Variants in NOX3 observed in about 807,000 individuals in gnomAD.
NOX3 encodes NADPH oxidase 3.
In NOX3, 74 loss-of-function variants were observed where a neutral mutation model predicts 76.7. The ratio of observed to expected loss-of-function variants is 0.96; its 90% confidence interval spans 0.80 to 1.17. The LOEUF (loss-of-function observed/expected upper bound fraction) is 1.17, where lower values mean the gene tolerates loss of function less well. Among genes scored for constraint, NOX3 ranks in the 50% most tolerant of loss-of-function variants. The probability of loss-of-function intolerance (pLI) is 0.00; values close to 1 mark genes in which losing one functional copy is unlikely to be tolerated. For synonymous variants in NOX3, 263 were observed against 261.1 expected, an observed-to-expected ratio of 1.01 and a Z score of -0.07; for missense variants, 695 against 703.3, an observed-to-expected ratio of 0.99 and a Z score of 0.13.
chr6:155,439,890 C>A (rs1233084049), intron 6 of NOX3, 66 bp downstream of exon 6: 1 of 1,468,244 alleles, frequency 6.8e-7, no homozygotes, highest in Admixed American at 2.2e-5. Flanking sequence ...ATCTAAAGGA[C>A]TTTCTAAGAT....
At chr6:155,455,254 A>G (rs561816370) in intron 1 of NOX3, 125 bp from the exon 2 acceptor site, 1 of 616,360 alleles carries the variant, frequency 1.6e-6, no homozygotes, top group Admixed American at 3.3e-5. Flanking sequence ...GAATTACTCC[A>G]CATATTTATT....
At chr6:155,454,208 T>C (rs1777181257) in intron 3 of NOX3, among the ~76,000 whole-genome samples, 1 of 152,148 alleles carries the variant, frequency 6.6e-6, no homozygotes, top group Non-Finnish European at 1.5e-5. Flanking sequence ...AAAACCATAG[T>C]ATCTGAGAAG....
intron 9 of NOX3, among the ~76,000 whole-genome samples, chr6:155,425,852 C>T (rs2114691972): frequency 6.6e-6 from 1 of 152,310 alleles, no homozygotes; most frequent in South Asian, 2.1e-4. Context: ...CTCTGTTTTC[C>T]TTCAGAAGGT....
chr6:155,437,011 C>T (rs976855065), intron 6 of NOX3, among the ~76,000 whole-genome samples: 6 of 152,212 alleles, frequency 3.9e-5, no homozygotes, highest in East Asian at 3.9e-4. Flanking sequence ...GTCAAAATAC[C>T]GGAAGAATGG....
rs67713833 is a variant in NOX3 at position 155,404,129 on chromosome 6, T to TATATA, written c.1580+3000_1580+3001insTATAT. Among the ~76,000 whole-genome samples, 870 of 91,298 alleles carry TATATA rather than the reference T, an allele frequency of 9.5e-3. 7 individuals are homozygous for TATATA. Among genetic ancestry groups the TATATA allele is most frequent in the African/African-American group, 0.042 (815 of 19,552 alleles). 59.9% of individuals were successfully genotyped at this position (91,298 alleles called of 152,430 possible). On this transcript the variant is annotated intron_variant, in intron 12 of 13. Coordinates refer to ENST00000159060, the MANE Select transcript of NOX3 (RefSeq NM_015718.3). ...TCAGTGAATATATATATATATATAT[T>TATATA]TTTTTTTTCCCAAAAGGAGAAAATA... is the stretch of plus-strand genomic sequence containing the variant.
intron 10 of NOX3, among the ~76,000 whole-genome samples, chr6:155,414,918 G>A (rs1308210359): frequency 2.0e-5 from 3 of 152,064 alleles, no homozygotes; most frequent in South Asian, 2.1e-4. Flanking sequence ...ATGAGCCATC[G>A]TGCCCAGCCA....
At position 155,443,423 on chromosome 6, in the gene NOX3, G is replaced by C; in HGVS notation, c.341-5C>G. ...AATGCGCCACGATGTGGATGGCTAG[G>C]ACAAGGAGATGACACCAAACATGCA... On this transcript the variant is annotated splice_polypyrimidine_tract_variant and splice_region_variant and intron_variant, in intron 4 of 13. Coordinates refer to ENST00000159060, the MANE Select transcript of NOX3 (RefSeq NM_015718.3). The C allele has an allele frequency of 6.2e-7, 1 of 1,613,528 alleles. No homozygotes were observed. Among genetic ancestry groups the C allele is most frequent in the Middle Eastern group, 1.7e-4 (1 of 6,020 alleles).
chr6:155,449,540 C>T (rs1041766035), intron 4 of NOX3, among the ~76,000 whole-genome samples: 2 of 152,146 alleles, frequency 1.3e-5, no homozygotes, highest in African/African-American at 2.4e-5. Context: ...TTATCATAGG[C>T]AGACAAGCAG....
rs1300797741 is a variant in NOX3 at position 155,426,616 on chromosome 6, A to C, written c.1145+2178T>G. On this transcript the variant is annotated intron_variant, in intron 9 of 13. Coordinates refer to ENST00000159060, the MANE Select transcript of NOX3 (RefSeq NM_015718.3). ...CAGCATTCCAGGTGGAGGGAACAGC[A>C]ATGGCAAAGGCACTGAGGACTACAT... 3.9e-5 allele frequency among the ~76,000 whole-genome samples: 6 copies of C among 152,198 alleles called. 1 individual carries two copies. In the South Asian group the frequency reaches 1.2e-3, roughly 32 times the overall value.
chr6:155,398,531 G>C (rs1359832118), intron 12 of NOX3, among the ~76,000 whole-genome samples: 4 of 152,170 alleles, frequency 2.6e-5, no homozygotes, highest in Non-Finnish European at 4.4e-5. Context: ...TCAAACTCCA[G>C]CTTCAAAGGA....
In NOX3 at chr6:155,409,808, G is replaced by A. The variant is rs116311328; in HGVS notation, c.1455+1406C>T. 9.7e-3 allele frequency among the ~76,000 whole-genome samples: 1,482 copies of A among 152,166 alleles called. 26 individuals are homozygous for A. The highest frequency in any genetic ancestry group is 0.034 in the African/African-American group (1,431 of 41,508). ...AAGACATCTATTTTAATCTACTTGTGTTTAGAAAAAAAATATATGTTTTAT... is the reference window on the plus strand; with the variant it reads ...AAGACATCTATTTTAATCTACTTGTATTTAGAAAAAAAATATATGTTTTAT... On this transcript the variant is annotated intron_variant, in intron 11 of 13. Transcript: ENST00000159060.
At chr6:155,448,310 A>G (rs929679061) in intron 4 of NOX3, among the ~76,000 whole-genome samples, 2 of 152,184 alleles carry the variant, frequency 1.3e-5, no homozygotes, top group African/African-American at 4.8e-5. Flanking sequence ...TCATGTTTTC[A>G]TGTTTCCAAA....
chr6:155,423,352 T>C (rs1406895424), intron 9 of NOX3, among the ~76,000 whole-genome samples: 2 of 152,228 alleles, frequency 1.3e-5, no homozygotes, highest in East Asian at 1.9e-4. Context: ...TTTAGTCTAA[T>C]GGAAGCTATT....
intron 8 of NOX3, 51 bp downstream of exon 8, chr6:155,430,792 A>C (rs779998119): frequency 2.3e-5 from 30 of 1,327,676 alleles, no homozygotes; most frequent in Non-Finnish European, 3.1e-5. Flanking sequence ...GCTAATAAAA[A>C]ATTTTCATCT....
intron 4 of NOX3, among the ~76,000 whole-genome samples, chr6:155,450,249 A>G (rs1777116937): frequency 6.6e-6 from 1 of 152,194 alleles, no homozygotes; most frequent in Admixed American, 6.5e-5. Context: ...GGGATGTGTG[A>G]GGGAAAGAGG....
chr6:155,397,523 A>G (rs1779155412), intron 12 of NOX3, among the ~76,000 whole-genome samples: 1 of 152,234 alleles, frequency 6.6e-6, no homozygotes, highest in Non-Finnish European at 1.5e-5. Context: ...CCTGGCATAC[A>G]GTGGACAATC....
intron 3 of NOX3, among the ~76,000 whole-genome samples, chr6:155,454,158 AC>A (rs1777180595): frequency 6.6e-6 from 1 of 152,232 alleles, no homozygotes; most frequent in African/African-American, 2.4e-5. Flanking sequence ...GCGCTAGTAT[AC>A]TTGCTCCACA....
intron 12 of NOX3, among the ~76,000 whole-genome samples, chr6:155,402,036 A>G (rs922011589): frequency 3.3e-5 from 5 of 152,222 alleles, no homozygotes; most frequent in Admixed American, 6.5e-5. Context: ...TTATCAAAAA[A>G]GTAACTAGAT....
chr6:155,439,409 G>C (rs894303443), intron 6 of NOX3, among the ~76,000 whole-genome samples: 3 of 152,050 alleles, frequency 2.0e-5, no homozygotes, highest in Non-Finnish European at 4.4e-5. Context: ...AGTGTTTTAC[G>C]GGATGTCTGA....
Sources: gnomAD v4.1 joint callset for allele counts (sites outside exome capture counted in the v4.1 genomes callset) on GRCh38, gnomAD v4.1.1 for gene constraint, MANE v1.5 for transcripts, NCBI Gene and HGNC (gene_info 2026-07-23, HGNC 2026-07-21) for gene names.